The following CNTNAP5 variants were observed in gnomAD, a reference collection of about 807,000 sequenced individuals.
CNTNAP5 encodes contactin-associated protein-like 5.
A neutral mutation model predicts 150.2 loss-of-function variants in CNTNAP5; 72 were observed. The observed-to-expected ratio is 0.48, with a 90% confidence interval of 0.40 to 0.58. CNTNAP5 has a LOEUF of 0.58. Among genes scored for constraint, CNTNAP5 ranks in the 20% least tolerant of loss-of-function variants. The pLI is 0.00. For missense variants in CNTNAP5, 1,636 were observed against 1,626.2 expected (o/e 1.01, Z -0.10); for synonymous variants, 672 against 619.8 (o/e 1.08, Z -1.25).
At chr2:124,379,641 A>G (rs1690740470) in intron 3 of CNTNAP5, among the ~76,000 whole-genome samples, 1 of 152,014 alleles carries the variant, frequency 6.6e-6, no homozygotes, top group South Asian at 2.1e-4. Context: ...TTGTGTGGAC[A>G]TGAGTTTTCC....
intron 3 of CNTNAP5, among the ~76,000 whole-genome samples, chr2:124,319,653 G>A (rs148406572): frequency 6.6e-6 from 1 of 152,212 alleles, no homozygotes; most frequent in East Asian, 1.9e-4. Context: ...CCTCAGCATG[G>A]TTGACATTTT....
intron 17 of CNTNAP5, among the ~76,000 whole-genome samples, chr2:124,786,398 A>AGAAAGAAAGAAAGAAGGAAG (rs1553442119): frequency 1.5e-4 from 7 of 45,222 alleles, no homozygotes; most frequent in Admixed American, 2.5e-4. Flanking sequence ...AAAGAAAGAA[A>AGAAAGAAAGAAAGAAGGAAG]GAAGGAAGGA....
chr2:124,576,714 G>C (rs1340363821), intron 11 of CNTNAP5, among the ~76,000 whole-genome samples: 1 of 152,178 alleles, frequency 6.6e-6, no homozygotes, highest in Non-Finnish European at 1.5e-5. Flanking sequence ...TACTAATTGA[G>C]TGACCTGTGG....
At chr2:124,086,439 G>A (rs1218392977) in intron 1 of CNTNAP5, among the ~76,000 whole-genome samples, 2 of 151,274 alleles carry the variant, frequency 1.3e-5, no homozygotes, top group Non-Finnish European at 1.5e-5. Context: ...TCCTGACCTC[G>A]TGATCTGCCT....
At chr2:124,067,675 G>A (rs1272379916) in intron 1 of CNTNAP5, among the ~76,000 whole-genome samples, 1 of 152,122 alleles carries the variant, frequency 6.6e-6, no homozygotes, top group Non-Finnish European at 1.5e-5. Flanking sequence ...CAATAAGTAA[G>A]ATACATAATT....
At chr2:124,632,917 A>C (rs1371927082) in intron 12 of CNTNAP5, among the ~76,000 whole-genome samples, 1 of 152,076 alleles carries the variant, frequency 6.6e-6, no homozygotes, top group African/African-American at 2.4e-5. Flanking sequence ...AGAGGCAGGC[A>C]GGGAAGTGCT....
chr2:124,104,573 G>A (rs184043139), intron 1 of CNTNAP5, among the ~76,000 whole-genome samples: 6 of 151,994 alleles, frequency 3.9e-5, no homozygotes, highest in Admixed American at 2.0e-4. Flanking sequence ...ATGATTTCCC[G>A]ACTGTCAAAT....
intron 1 of CNTNAP5, among the ~76,000 whole-genome samples, chr2:124,104,496 T>A (rs1683131981): frequency 6.6e-6 from 1 of 152,206 alleles, no homozygotes; most frequent in Non-Finnish European, 1.5e-5. Flanking sequence ...ATATTCTGCC[T>A]CATTTTCCCC....
At chr2:124,529,242 G>C (rs1434540770) in intron 10 of CNTNAP5, among the ~76,000 whole-genome samples, 1 of 152,052 alleles carries the variant, frequency 6.6e-6, no homozygotes, top group East Asian at 1.9e-4. Flanking sequence ...AGCCAGTGCA[G>C]CCTCTTCCAA....
intron 21 of CNTNAP5, among the ~76,000 whole-genome samples, chr2:124,874,885 T>G (rs1677822232): frequency 6.6e-6 from 1 of 152,004 alleles, no homozygotes; most frequent in East Asian, 1.9e-4. Flanking sequence ...AGGCCTAAGC[T>G]CACACCTGAC....
chr2:124,149,678 C>T (rs749147139), intron 1 of CNTNAP5, among the ~76,000 whole-genome samples: 28 of 152,170 alleles, frequency 1.8e-4, no homozygotes, highest in East Asian at 1.9e-4. Flanking sequence ...GAGTGAGCAG[C>T]GCCAATCCGA....
At chr2:124,152,977 C>G (rs1684441183) in intron 1 of CNTNAP5, among the ~76,000 whole-genome samples, 1 of 152,140 alleles carries the variant, frequency 6.6e-6, no homozygotes, top group African/African-American at 2.4e-5. Context: ...TCAAGGTCAG[C>G]TAGACCATCC....
intron 11 of CNTNAP5, among the ~76,000 whole-genome samples, chr2:124,584,853 G>GT (rs946599399): frequency 1.3e-5 from 2 of 152,156 alleles, no homozygotes; most frequent in African/African-American, 4.8e-5. Context: ...TGTTTTATGA[G>GT]TTTTTTGTTT....
At chr2:124,713,355 CTTT>C (rs1679875590) in intron 13 of CNTNAP5, among the ~76,000 whole-genome samples, 1 of 122,396 alleles carries the variant, frequency 8.2e-6, no homozygotes, top group Non-Finnish European at 1.7e-5. Context: ...TTCTTTCTTT[CTTT>C]CTTTCTTTCT....
intron 1 of CNTNAP5, among the ~76,000 whole-genome samples, chr2:124,191,244 T>C (rs1312363780): frequency 2.6e-5 from 4 of 152,214 alleles, no homozygotes; most frequent in Non-Finnish European, 5.9e-5. Flanking sequence ...CAGATCTGGT[T>C]GTTCATAAAC....
intron 8 of CNTNAP5, among the ~76,000 whole-genome samples, chr2:124,506,895 A>C (rs552595221): frequency 5.9e-5 from 9 of 152,084 alleles, no homozygotes; most frequent in Non-Finnish European, 1.3e-4. Flanking sequence ...TTCCGCACTC[A>C]CTCATGTGCT....
intron 8 of CNTNAP5, 141 bp from the exon 9 acceptor site, chr2:124,524,162 C>A: frequency 1.5e-6 from 1 of 674,760 alleles, no homozygotes; most frequent in Admixed American, 2.9e-5. Flanking sequence ...TATGAATCTT[C>A]CAAGGGCTTG....
At chr2:124,627,099 C>G (rs1016209068) in intron 12 of CNTNAP5, among the ~76,000 whole-genome samples, 1 of 152,166 alleles carries the variant, frequency 6.6e-6, no homozygotes, top group African/African-American at 2.4e-5. Context: ...TGAGACCCAG[C>G]ATCTGCGGGG....
Position 124,025,636 on chromosome 2 carries a change from G to A in CNTNAP5, c.-15G>A, listed in dbSNP as rs1003609291. On this transcript the variant is annotated 5_prime_UTR_variant, in exon 1 of 24. Transcript: ENST00000682447. ...ATTTGGGATTCGATTGGGAGGGACC[G>A]CTCACTCGGGGGAAATGGATTCTTT... The A allele has an allele frequency of 3.1e-6, 5 of 1,612,830 alleles. No homozygotes were observed. In the African/African-American group the frequency reaches 5.3e-5, roughly 17 times the overall value.
Sources: allele counts gnomAD v4.1 joint callset (sites outside exome capture counted in the v4.1 genomes callset), GRCh38; gene constraint gnomAD v4.1.1; transcripts MANE v1.5; gene names NCBI Gene and HGNC (gene_info 2026-07-23, HGNC 2026-07-21).